TMEM102: variants seen among roughly 807,000 people sequenced by gnomAD.
The protein encoded by TMEM102 is DANGER family member 2B.
Under a neutral mutation model 26.8 loss-of-function variants are expected in TMEM102, and 28 were observed. The observed-to-expected ratio is 1.05, with a 90% confidence interval of 0.77 to 1.43. The LOEUF is 1.43. TMEM102 is among the 40% of genes most tolerant of loss of function. The pLI is 0.00. For synonymous variants in TMEM102, 306 were observed against 332.1 expected (o/e 0.92, Z 0.86); for missense variants, 677 against 705.6 (o/e 0.96, Z 0.46).
Position 7,436,911 on chromosome 17 carries a change from G to T in TMEM102, c.932G>T (p.Arg311Leu). Residue 311 changes from arginine to leucine, a missense_variant, in exon 3 of 3, where the codon CGC becomes CTC. Transcript: ENST00000323206. ...TVLLATPEPP[R>L]RLLLFDLIPV... ...CTCCTGGCTACCCCTGAGCCCCCTC[G>T]CCGCCTCCTGCTCTTCGACCTGATC... 1 of 1,607,810 alleles carries T rather than the reference G, an allele frequency of 6.2e-7. No individual in the cohort carries two copies.
At position 7,437,639 on chromosome 17, in the gene TMEM102, G is replaced by A; in HGVS notation, c.*133G>A. On this transcript the variant is annotated 3_prime_UTR_variant, in exon 3 of 3. Coordinates refer to ENST00000323206, the MANE Select transcript of TMEM102 (RefSeq NM_178518.3). The surrounding 1 kb of genome is among the most constrained non-coding windows in gnomAD (Gnocchi z 4.2). ...CCCCTTCTGGAAGACCTCCCTGTTGGTTCCTCCTCTACGCCCACCCGCCTG... is the reference window on the plus strand; with the variant it reads ...CCCCTTCTGGAAGACCTCCCTGTTGATTCCTCCTCTACGCCCACCCGCCTG... The A allele has an allele frequency of 1.6e-6, 1 of 634,256 alleles. No individual in the cohort carries two copies. The highest frequency in any genetic ancestry group is 2.4e-6 in the Non-Finnish European group (1 of 421,358). 39.3% of individuals were successfully genotyped at this position (634,256 alleles called of 1,614,324 possible).
Position 7,437,396 on chromosome 17 carries a change from T to C in TMEM102, c.1417T>C (p.Leu473=). The change falls in exon 3 of 3, where the codon TTG becomes CTG. Residue 473 remains leucine, a synonymous_variant. Transcript: ENST00000323206. The surrounding 1 kb of genome is among the most constrained non-coding windows in gnomAD (Gnocchi z 4.2). The part of the protein sequence containing the change: ...GDDSAALLGE[L]ARLRGDPARA... ...CGACTCCGCTGCGCTGCTCGGAGAA[T>C]TGGCCCGGCTCCGCGGGGACCCGGC... is the stretch of plus-strand genomic sequence containing the variant. The C allele has an allele frequency of 1.3e-6, 2 of 1,540,828 alleles. No individual in the cohort carries two copies. The highest frequency in any genetic ancestry group is 8.7e-7 in the Non-Finnish European group (1 of 1,143,926).
In TMEM102 at chr17:7,436,179, G is replaced by A. The variant is rs376099644; in HGVS notation, c.215-15G>A. The A allele has an allele frequency of 3.2e-6, 5 of 1,579,076 alleles. No homozygotes were observed. Among genetic ancestry groups the A allele is most frequent in the Non-Finnish European group, 4.3e-6 (5 of 1,151,538 alleles). Reference sequence around the variant, plus strand: ...GCTTTGGGCGACGCCCTCACGATCCGTTCCCTTTTTTTAGGTCTAGTTCAC... The same window carrying A: ...GCTTTGGGCGACGCCCTCACGATCCATTCCCTTTTTTTAGGTCTAGTTCAC... On this transcript the variant is annotated splice_polypyrimidine_tract_variant and intron_variant, in intron 2 of 2. Transcript: ENST00000323206.
At position 7,437,597 on chromosome 17, in the gene TMEM102, G is replaced by A. The variant is rs1908112061; in HGVS notation, c.*91G>A. The stretch of plus-strand genomic sequence containing the variant: ...CCCTCGCCAGGGGGACTGACTGTGT[G>A]CCCTGGGCCTGAAGCCCCCCTTCTG... On this transcript the variant is annotated 3_prime_UTR_variant, in exon 3 of 3. Coordinates refer to ENST00000323206, the MANE Select transcript of TMEM102 (RefSeq NM_178518.3). This position sits in a 1 kb window ranked among gnomAD's most constrained non-coding sequence, Gnocchi z 4.2. 2 of 949,180 alleles carry A rather than the reference G, an allele frequency of 2.1e-6. No individual in the cohort carries two copies. The highest frequency in any genetic ancestry group is 4.2e-5 in the Admixed American group (1 of 23,820). The allele number at this position is 949,180 out of a possible 1,614,324, so 58.8% of individuals were successfully genotyped here.
At position 7,437,302 on chromosome 17, in the gene TMEM102, C is replaced by G. The variant is rs1908083876; in HGVS notation, c.1323C>G (p.Leu441=). Residue 441 remains leucine (L), a synonymous_variant, in exon 3 of 3, where the codon CTC becomes CTG. Transcript: ENST00000323206. This position sits in a 1 kb window ranked among gnomAD's most constrained non-coding sequence, Gnocchi z 4.2. ...GCTGCCTCGGGCTGCTAGACGAGCT[C>G]GGCCGAGTGCTCGAGGCCGGGACGT... ...GACCLGLLDE[L]GRVLEAGTLP... is the part of the protein sequence containing the mutation. The G allele has an allele frequency of 6.5e-7, 1 of 1,548,418 alleles. No homozygotes were observed. The highest frequency in any genetic ancestry group is 2.0e-5 in the Admixed American group (1 of 48,978).
rs1246424057 is a variant in TMEM102, at chr17:7,437,208, C to T, written c.1229C>T (p.Thr410Met). ...TRAAAPYLLR[T>M]LLYWACERLP... is the part of the protein sequence containing the mutation. ...GCGGCGGCGCCCTACCTCCTGCGGA[C>T]GCTGCTGTACTGGGCGTGCGAGCGG... Residue 410 changes from threonine to methionine, a missense_variant, in exon 3 of 3, where the codon ACG becomes ATG. Transcript: ENST00000323206. This position sits in a 1 kb window ranked among gnomAD's most constrained non-coding sequence, Gnocchi z 4.2. The T allele has an allele frequency of 1.3e-6, 2 of 1,503,676 alleles. No individual in the cohort carries two copies. Among genetic ancestry groups the T allele is most frequent in the Admixed American group, 2.3e-5 (1 of 43,764 alleles). 93.1% of individuals were successfully genotyped at this position (1,503,676 alleles called of 1,614,324 possible). A position where few individuals can be genotyped will look rare whatever the true frequency, so the allele number is the denominator to read the frequency against.
At position 7,436,244 on chromosome 17, in the gene TMEM102, C is replaced by A; in HGVS notation, c.265C>A (p.Leu89Met). 1.9e-6 allele frequency: 3 copies of A among 1,613,576 alleles called. No individual in the cohort carries two copies. Among genetic ancestry groups the A allele is most frequent in the Non-Finnish European group, 2.5e-6 (3 of 1,180,012 alleles). ...CTTTCCTCCCCAGGCAGAGCTCTTG[C>A]TGCTTCGTGGTGGGATTCGCGAGGG... is the stretch of plus-strand genomic sequence containing the variant. ...PRFPPQAELL[L>M]LRGGIREGSL... Residue 89 changes from leucine to methionine, a missense_variant, in exon 3 of 3, where the codon CTG becomes ATG. Leu to Met is a conservative substitution (Grantham distance 15). Transcript: ENST00000323206.
chr17:7,436,311 G>C lies in TMEM102; in HGVS notation c.332G>C (p.Arg111Pro). The C allele has an allele frequency of 6.2e-7, 1 of 1,613,706 alleles. No individual in the cohort carries two copies. Among genetic ancestry groups the C allele is most frequent in the East Asian group, 2.2e-5 (1 of 44,886 alleles). Residue 111 changes from arginine to proline, a missense_variant, in exon 3 of 3, where the codon CGG (arginine) becomes CCG (proline). By Grantham distance (103) the Arg-to-Pro change is moderately radical. Coordinates refer to ENST00000323206, the MANE Select transcript of TMEM102 (RefSeq NM_178518.3). ...LGHAPLGPYA[R>P]GPHYDAGFTL... is the part of the protein sequence containing the mutation. ...CATGCACCCCTGGGTCCCTACGCCCGGGGACCTCACTACGATGCCGGCTTC... is the reference window on the plus strand; with the variant it reads ...CATGCACCCCTGGGTCCCTACGCCCCGGGACCTCACTACGATGCCGGCTTC...
At position 7,436,016 on chromosome 17, in the gene TMEM102, A is replaced by T; in HGVS notation, c.145A>T (p.Ser49Cys). ...GATCCAGGAGCTGGGTGTGCAGGAGAGCTGGAGTGACGGGCCCAAGCCGGG... is the reference window on the plus strand; with the variant it reads ...GATCCAGGAGCTGGGTGTGCAGGAGTGCTGGAGTGACGGGCCCAAGCCGGG... ...QLIQELGVQESWSDGPKPGAD... is the reference protein window; with the variant it reads ...QLIQELGVQECWSDGPKPGAD... Residue 49 changes from serine (S) to cysteine (C), a missense_variant, in exon 2 of 3, where the codon AGC (serine) becomes TGC (cysteine). Physicochemically the swap from Ser to Cys is moderately radical, Grantham distance 112. Coordinates refer to ENST00000323206, the MANE Select transcript of TMEM102 (RefSeq NM_178518.3). 6.2e-7 allele frequency: 1 copy of T among 1,613,448 alleles called. No individual in the cohort carries two copies. Among genetic ancestry groups the T allele is most frequent in the Admixed American group, 1.7e-5 (1 of 60,032 alleles).
Sources: allele counts gnomAD v4.1 joint callset, GRCh38; gene constraint gnomAD v4.1.1; non-coding constraint Gnocchi (gnomAD v3.1); transcripts MANE v1.5; gene names NCBI Gene and HGNC (gene_info 2026-07-23, HGNC 2026-07-21).